Variants in ORC2 observed in about 807,000 individuals in gnomAD.
ORC2 encodes origin recognition complex subunit 2, also known as origin recognition complex protein 2 homolog.
ORC2 carries 37 observed loss-of-function variants against 77.7 expected under a neutral mutation model. The ratio of observed to expected loss-of-function variants is 0.48; its 90% confidence interval spans 0.37 to 0.63. The LOEUF is 0.63. Ranked by LOEUF, ORC2 falls within the 20% of genes least tolerant of loss-of-function variation. The pLI is 0.00. For missense variants in ORC2, 557 were observed against 661.9 expected (o/e 0.84, Z 1.74); for synonymous variants, 201 against 229.5 (o/e 0.88, Z 1.12).
At chr2:200,948,616 G>T (rs1407860198) in intron 5 of ORC2, among the ~76,000 whole-genome samples, 1 of 152,070 alleles carries the variant, frequency 6.6e-6, no homozygotes, top group South Asian at 2.1e-4. Context: ...AGGCTGGAGT[G>T]CAATGGCACA....
rs1306640164 is a variant in ORC2, at chr2:200,935,796, G to A, written c.611C>T (p.Ala204Val). 5 of 1,613,772 alleles carry A rather than the reference G, an allele frequency of 3.1e-6. No homozygotes were observed. In the East Asian group the frequency reaches 8.9e-5, roughly 29 times the overall value. Residue 204 changes from alanine (A) to valine (V), a missense_variant, in exon 9 of 18, where the codon GCA becomes GTA. By Grantham distance (64) the Ala-to-Val change is moderately conservative. Transcript: ENST00000234296. Reference sequence around the variant, plus strand: ...TTGAATCTTTTGGCTGAATATGACTGCATTAGTGTCCTCTTCATGTTCCTG... The same window carrying A: ...TTGAATCTTTTGGCTGAATATGACTACATTAGTGTCCTCTTCATGTTCCTG... ...VAQEHEEDTNAVIFSQKIQAQ... is the reference protein window; with the variant it reads ...VAQEHEEDTNVVIFSQKIQAQ...
intron 5 of ORC2, among the ~76,000 whole-genome samples, chr2:200,946,605 G>T (rs1444421036): frequency 6.6e-6 from 1 of 152,128 alleles, no homozygotes; most frequent in Non-Finnish European, 1.5e-5. Flanking sequence ...GCAGAATGAG[G>T]ATAATATTCC....
intron 13 of ORC2, among the ~76,000 whole-genome samples, chr2:200,925,574 T>C (rs2040826653): frequency 6.6e-6 from 1 of 151,910 alleles, no homozygotes; most frequent in Non-Finnish European, 1.5e-5. Context: ...ACCTCATCTC[T>C]ACAAATAATA....
chr2:200,947,001 C>T (rs1409520752), intron 5 of ORC2, among the ~76,000 whole-genome samples: 3 of 152,040 alleles, frequency 2.0e-5, no homozygotes, highest in Non-Finnish European at 2.9e-5. Flanking sequence ...GTTCTGGGTT[C>T]AAGTGATTCT....
rs202114113 is a variant in ORC2, at chr2:200,937,938, G to A, written c.482C>T (p.Thr161Ile). Residue 161 changes from threonine to isoleucine, a missense_variant, in exon 8 of 18, where the codon ACA (threonine) becomes ATA (isoleucine). Physicochemically the swap from Thr to Ile is moderately conservative, Grantham distance 89. Transcript: ENST00000234296. ...TCTTTTTCTTAGACTACGAGGTGCT[G>A]TTGACAGAAATTCACTTTTGTCATT... is the stretch of plus-strand genomic sequence containing the variant. ...KNNDKSEFLSTAPRSLRKRLI... is the reference protein window; with the variant it reads ...KNNDKSEFLSIAPRSLRKRLI... 1.0e-5 allele frequency: 16 copies of A among 1,601,166 alleles called. No homozygotes were observed. Among genetic ancestry groups the A allele is most frequent in the Non-Finnish European group, 1.2e-5 (14 of 1,171,828 alleles).
intron 16 of ORC2, 130 bp downstream of exon 16, chr2:200,913,801 A>G: frequency 7.0e-7 from 1 of 1,425,506 alleles, no homozygotes; most frequent in South Asian, 1.7e-5. Flanking sequence ...TATGTGGCAG[A>G]CATACCCATC....
At chr2:200,928,601 C>CAGGA (rs1459770460) in intron 11 of ORC2, among the ~76,000 whole-genome samples, 6 of 151,882 alleles carry the variant, frequency 4.0e-5, no homozygotes, top group African/African-American at 1.5e-4. Context: ...ATCACGAGGT[C>CAGGA]AGGAGATCGA....
At chr2:200,947,890 C>T (rs2041278158) in intron 5 of ORC2, among the ~76,000 whole-genome samples, 4 of 151,970 alleles carry the variant, frequency 2.6e-5, no homozygotes, top group Admixed American at 2.0e-4. Context: ...CATGTACCAC[C>T]ATGCCTGGCT....
chr2:200,959,136 A>G (rs1423727386), intron 2 of ORC2, among the ~76,000 whole-genome samples: 1 of 152,064 alleles, frequency 6.6e-6, no homozygotes, highest in East Asian at 1.9e-4. Context: ...GGCACATGCC[A>G]CCATGCTTGG....
chr2:200,963,553 T>C lies in ORC2; in HGVS notation c.-123A>G. 2.5e-6 allele frequency: 1 copy of C among 398,400 alleles called. No homozygotes were observed. Among genetic ancestry groups the C allele is most frequent in the East Asian group, 3.6e-5 (1 of 28,042 alleles). The allele number at this position is 398,400 out of a possible 1,614,324, so 24.7% of individuals were successfully genotyped here. On this transcript the variant is annotated 5_prime_UTR_variant, in exon 1 of 18. Coordinates refer to ENST00000234296, the MANE Select transcript of ORC2 (RefSeq NM_006190.5). ...GCCGGCCGAACGACACCCCGCTGAG[T>C]CGCCGCCGCAGGGAAGGTACCTTCG...
At position 200,949,570 on chromosome 2, in the gene ORC2, T is replaced by G. The variant is rs2041313571; in HGVS notation, c.312A>C (p.Glu104Asp). ...VYSFQNRKHS[E>D]KMAKLASELA... The stretch of plus-strand genomic sequence containing the variant: ...GCAACATACCTAATTTAGCCATCTT[T>G]TCAGAGTGTTTTCTATTCTGAAAAG... Residue 104 changes from glutamate (E) to aspartate (D), a missense_variant, in exon 5 of 18, where the codon GAA becomes GAC. By Grantham distance (45) the Glu-to-Asp change is conservative. Transcript: ENST00000234296. 6.3e-7 allele frequency: 1 copy of G among 1,576,814 alleles called. No homozygotes were observed.
chr2:200,913,466 A>G lies in ORC2; in HGVS notation c.1529-53T>C. On this transcript the variant is annotated intron_variant, in intron 16 of 17. Coordinates refer to ENST00000234296, the MANE Select transcript of ORC2 (RefSeq NM_006190.5). Reference sequence around the variant, plus strand: ...AAGTCAGCACTTAAGACATGACCCAATATACAAACACCCATACAAAAGAAC... The same window carrying G: ...AAGTCAGCACTTAAGACATGACCCAGTATACAAACACCCATACAAAAGAAC... 3.9e-6 allele frequency: 6 copies of G among 1,519,724 alleles called. No individual in the cohort carries two copies. The Admixed American group carries it at 6.0e-5, about 15-fold the overall frequency. 94.1% of individuals were successfully genotyped at this position (1,519,724 alleles called of 1,614,324 possible).
rs2040538414 is a variant in ORC2, at chr2:200,910,839, CA to C, written c.*461del. The C allele has an allele frequency of 6.4e-6, 1 of 155,380 alleles. No homozygotes were observed. Among genetic ancestry groups the C allele is most frequent in the Non-Finnish European group, 1.4e-5 (1 of 70,004 alleles). 9.6% of individuals were successfully genotyped at this position (155,380 alleles called of 1,614,324 possible). A position where few individuals can be genotyped will look rare whatever the true frequency, so the allele number is the denominator to read the frequency against. The stretch of plus-strand genomic sequence containing the variant: ...AAGAGATGACCTGCCCTCTCCATTA[CA>C]CTCGTTGGTTCTGACACACAGAATA... On this transcript the variant is annotated 3_prime_UTR_variant, in exon 18 of 18. Transcript: ENST00000234296.
At position 200,920,275 on chromosome 2, in the gene ORC2, G is replaced by A. The variant is rs2124942956; in HGVS notation, c.1413C>T (p.Ser471=). Residue 471 remains serine (S), a synonymous_variant, in exon 15 of 18, where the codon TCC becomes TCT. Transcript: ENST00000234296. ...CATGAGTAAGGGAGCTAAGTGGCAGGGATCCAGACTGCTTTACCAGAAGAG... is the reference window on the plus strand; with the variant it reads ...CATGAGTAAGGGAGCTAAGTGGCAGAGATCCAGACTGCTTTACCAGAAGAG... ...ENSLLVKQSG[S]LPLSSLTHVL... is the part of the protein sequence containing the mutation. The A allele has an allele frequency of 6.2e-7, 1 of 1,613,818 alleles. No individual in the cohort carries two copies. The highest frequency in any genetic ancestry group is 8.5e-7 in the Non-Finnish European group (1 of 1,179,820).
At chr2:200,951,672 G>A (rs2041359458) in intron 4 of ORC2, among the ~76,000 whole-genome samples, 2 of 152,056 alleles carry the variant, frequency 1.3e-5, no homozygotes, top group African/African-American at 4.8e-5. Flanking sequence ...TGGTAATAAA[G>A]AATAAAAATA....
chr2:200,953,306 C>T (rs1407837805), intron 4 of ORC2, among the ~76,000 whole-genome samples: 1 of 149,670 alleles, frequency 6.7e-6, no homozygotes, highest in East Asian at 1.9e-4. Flanking sequence ...ATACTACTAG[C>T]TATTACAGTT....
rs549739913 is a variant in ORC2, at chr2:200,918,848, T to C, written c.1466+1374A>G. 1.2e-4 allele frequency among the ~76,000 whole-genome samples: 19 copies of C among 152,158 alleles called. No individual in the cohort carries two copies. The East Asian group carries it at 3.7e-3, about 29-fold the overall frequency. ...CAAATTTAAAACAAAAAAATTCATTTACATTTTGACTAATTTATAGATCTA... is the reference window on the plus strand; with the variant it reads ...CAAATTTAAAACAAAAAAATTCATTCACATTTTGACTAATTTATAGATCTA... On this transcript the variant is annotated intron_variant, in intron 15 of 17. Transcript: ENST00000234296.
rs1259730824 is a variant in ORC2 at position 200,914,189 on chromosome 2, G to T, written c.1467-197C>A. 3.5e-5 allele frequency among the ~76,000 whole-genome samples: 5 copies of T among 141,726 alleles called. 1 individual carries two copies. The Admixed American group carries it at 3.6e-4, about 10-fold the overall frequency. 93.0% of individuals were successfully genotyped at this position (141,726 alleles called of 152,430 possible). Reference sequence around the variant, plus strand: ...TCTTTTTTTTTTTTTTTTTTGAGACGGAGTCTTGCTCTGTTGCCCAGGCTG... The same window carrying T: ...TCTTTTTTTTTTTTTTTTTTGAGACTGAGTCTTGCTCTGTTGCCCAGGCTG... On this transcript the variant is annotated intron_variant, in intron 15 of 17. Coordinates refer to ENST00000234296, the MANE Select transcript of ORC2 (RefSeq NM_006190.5).
chr2:200,920,326 A>G lies in ORC2; in HGVS notation c.1362T>C (p.Tyr454=). 2 of 1,613,802 alleles carry G rather than the reference A, an allele frequency of 1.2e-6. No individual in the cohort carries two copies. Among genetic ancestry groups the G allele is most frequent in the East Asian group, 2.2e-5 (1 of 44,846 alleles). ...AGTTCTCATAGGAGGTTTCTTCAGTATAAGGACTGTATGTAGTAGTTTCAT... is the reference window on the plus strand; with the variant it reads ...AGTTCTCATAGGAGGTTTCTTCAGTGTAAGGACTGTATGTAGTAGTTTCAT... ...LWYETTTYSP[Y]TEETSYENSL... is the part of the protein sequence containing the mutation. Residue 454 remains tyrosine, a synonymous_variant, in exon 15 of 18, where the codon TAT becomes TAC. Coordinates refer to ENST00000234296, the MANE Select transcript of ORC2 (RefSeq NM_006190.5).
Sources: allele counts gnomAD v4.1 joint callset (sites outside exome capture counted in the v4.1 genomes callset), GRCh38; gene constraint gnomAD v4.1.1; transcripts MANE v1.5; gene names NCBI Gene and HGNC (gene_info 2026-07-23, HGNC 2026-07-21).